Variants in CDH13 observed in about 807,000 individuals in gnomAD.
CDH13 encodes the protein cadherin-13.
In CDH13, 24 loss-of-function variants were observed where a neutral mutation model predicts 63.8. That is an observed-to-expected ratio of 0.38 (90% CI 0.27 to 0.53). The LOEUF (loss-of-function observed/expected upper bound fraction) is 0.53, where lower values mean the gene tolerates loss of function less well. Ranked by LOEUF, CDH13 falls within the 20% of genes least tolerant of loss-of-function variation. The pLI, the probability that CDH13 is intolerant of heterozygous loss-of-function variation, is 0.85. For synonymous variants in CDH13, 503 were observed against 355.3 expected (o/e 1.42, Z -4.67); for missense variants, 1,049 against 903.1 (o/e 1.16, Z -2.07).
chr16:83,168,942 T>C (rs1199575155), intron 4 of CDH13, among the ~76,000 whole-genome samples: 2 of 152,136 alleles, frequency 1.3e-5, no homozygotes, highest in African/African-American at 4.8e-5. Flanking sequence ...CCACCAGTCA[T>C]TAATTACTTT....
chr16:82,662,695 C>T lies in CDH13; in HGVS notation c.45+35558C>T, dbSNP rs190106009. Among the ~76,000 whole-genome samples, 25 of 152,310 alleles carry T rather than the reference C, an allele frequency of 1.6e-4. No individual in the cohort carries two copies. In the East Asian group the frequency reaches 4.6e-3, roughly 28 times the overall value. On this transcript the variant is annotated intron_variant, in intron 1 of 13. Transcript: ENST00000567109. The stretch of plus-strand genomic sequence containing the variant: ...GACCTCTCACTACTAATCTTTGAGT[C>T]GATAACAGCTTCTGCTATAGAAGGG...
chr16:83,040,985 C>G (rs1917283076), intron 3 of CDH13, among the ~76,000 whole-genome samples: 1 of 152,150 alleles, frequency 6.6e-6, no homozygotes, highest in South Asian at 2.1e-4. Context: ...ACACCATCAC[C>G]ACTCTTATTC....
At chr16:83,675,731 A>T (rs567265393) in intron 9 of CDH13, among the ~76,000 whole-genome samples, 3 of 152,316 alleles carry the variant, frequency 2.0e-5, no homozygotes, top group Admixed American at 6.5e-5. Context: ...GTTATGATGC[A>T]TCAGGGCCAG....
intron 2 of CDH13, among the ~76,000 whole-genome samples, chr16:82,958,268 C>G (rs777919900): frequency 6.6e-6 from 1 of 152,166 alleles, no homozygotes; most frequent in Non-Finnish European, 1.5e-5. Context: ...AGACGCTTCA[C>G]CTAGAAGTGC....
intron 13 of CDH13, among the ~76,000 whole-genome samples, chr16:83,785,333 T>C (rs1161713481): frequency 2.0e-5 from 3 of 152,182 alleles, no homozygotes; most frequent in Non-Finnish European, 4.4e-5. Flanking sequence ...TCTCCCTGCA[T>C]TTTCACATGA....
chr16:82,672,935 C>T (rs1396405066), intron 1 of CDH13, among the ~76,000 whole-genome samples: 1 of 151,392 alleles, frequency 6.6e-6, no homozygotes, highest in Non-Finnish European at 1.5e-5. Flanking sequence ...CTGCCTCAGC[C>T]TCCTGAGCAG....
At position 82,747,738 on chromosome 16, in the gene CDH13, CT is replaced by C. The variant is rs2034241701; in HGVS notation, c.46-110619del. On this transcript the variant is annotated intron_variant, in intron 1 of 13. Coordinates refer to ENST00000567109, the MANE Select transcript of CDH13 (RefSeq NM_001257.5). ...ACAAATTAGTCTTTTCAAAGGTGTA[CT>C]TTTTAAGTGTCTGCATAATGCGAAT... Among the ~76,000 whole-genome samples, 4 of 152,154 alleles carry C rather than the reference CT, an allele frequency of 2.6e-5. No homozygotes were observed. The South Asian group carries it at 8.3e-4, about 32-fold the overall frequency.
chr16:82,997,008 ATGGTG>A (rs1567728457), intron 2 of CDH13, among the ~76,000 whole-genome samples: 26 of 149,596 alleles, frequency 1.7e-4, no homozygotes, highest in African/African-American at 6.4e-4. Flanking sequence ...GATGATAGTG[ATGGTG>A]ATGGTGATGA....
chr16:83,512,738 C>T (rs1473043786), intron 7 of CDH13, among the ~76,000 whole-genome samples: 2 of 151,742 alleles, frequency 1.3e-5, no homozygotes, highest in African/African-American at 2.4e-5. Flanking sequence ...ATATGTTCTA[C>T]ATGAGCTTTC....
chr16:83,028,734 T>C (rs2151467578), intron 2 of CDH13, among the ~76,000 whole-genome samples: 1 of 152,302 alleles, frequency 6.6e-6, no homozygotes, highest in Middle Eastern at 3.4e-3. Flanking sequence ...TGGCACACAA[T>C]TTGAAACTTA....
chr16:83,784,179 G>T (rs1029643521), intron 13 of CDH13, among the ~76,000 whole-genome samples: 9 of 152,196 alleles, frequency 5.9e-5, no homozygotes, highest in African/African-American at 2.2e-4. Flanking sequence ...GAACGTATCG[G>T]TGTAATTGTG....
chr16:82,810,654 T>A (rs2151179454), intron 1 of CDH13, among the ~76,000 whole-genome samples: 1 of 152,266 alleles, frequency 6.6e-6, no homozygotes, highest in Middle Eastern at 3.4e-3. Context: ...CCCCCATGGC[T>A]GGTCAAGGGA....
chr16:83,286,517 A>G (rs1175767937), intron 5 of CDH13, among the ~76,000 whole-genome samples: 1 of 152,106 alleles, frequency 6.6e-6, no homozygotes, highest in Non-Finnish European at 1.5e-5. Flanking sequence ...GCACTTTGGG[A>G]GGCCAAGGCA....
At chr16:83,356,094 C>T (rs1051252633) in intron 6 of CDH13, among the ~76,000 whole-genome samples, 1 of 152,156 alleles carries the variant, frequency 6.6e-6, no homozygotes, top group Admixed American at 6.5e-5. Flanking sequence ...TCCCCATCCA[C>T]AACACCCACT....
intron 6 of CDH13, among the ~76,000 whole-genome samples, chr16:83,402,957 A>G (rs920333807): frequency 2.0e-5 from 3 of 152,128 alleles, no homozygotes; most frequent in African/African-American, 7.2e-5. Flanking sequence ...ACCAGCTACA[A>G]TCTGCCCTTC....
chr16:83,519,116 T>C (rs61463043), intron 7 of CDH13, among the ~76,000 whole-genome samples: 410 of 152,244 alleles, frequency 2.7e-3, no homozygotes, highest in African/African-American at 7.3e-3. Context: ...GGATAGAGAA[T>C]AGAGTTTTAT....
chr16:83,605,611 G>A (rs1053814797), intron 8 of CDH13, among the ~76,000 whole-genome samples: 3 of 152,104 alleles, frequency 2.0e-5, no homozygotes, highest in East Asian at 1.9e-4. Flanking sequence ...AGTGCCTGTC[G>A]CCCAGTATTT....
intron 1 of CDH13, among the ~76,000 whole-genome samples, chr16:82,697,006 C>G (rs148176022): frequency 0.022 from 3,401 of 152,232 alleles, 70 homozygotes; most frequent in Middle Eastern, 0.048. Flanking sequence ...GTGGCTTTCT[C>G]CTGTGTGAAA....
intron 7 of CDH13, among the ~76,000 whole-genome samples, chr16:83,504,147 C>T (rs780717144): frequency 2.0e-5 from 3 of 152,230 alleles, no homozygotes; most frequent in Middle Eastern, 3.4e-3. Flanking sequence ...AAAAGATGCC[C>T]GTTCCTCTGA....
Sources: allele counts gnomAD v4.1 joint callset (sites outside exome capture counted in the v4.1 genomes callset), GRCh38; gene constraint gnomAD v4.1.1; transcripts MANE v1.5; gene names NCBI Gene and HGNC (gene_info 2026-07-23, HGNC 2026-07-21).